The following CEP63 variants were observed in gnomAD, a reference collection of about 807,000 sequenced individuals.
CEP63 encodes centrosomal protein 63, also known as centrosomal protein of 63 kDa.
CEP63 carries 84 observed loss-of-function variants against 89.1 expected under a neutral mutation model. The observed-to-expected ratio is 0.94, with a 90% CI of 0.79 to 1.13. CEP63 has a LOEUF of 1.13. Ranked by LOEUF, CEP63 falls within the 50% of genes most tolerant of loss-of-function variation. The probability of loss-of-function intolerance (pLI) is 0.00; values close to 1 mark genes in which losing one functional copy is unlikely to be tolerated. For missense variants in CEP63, 838 were observed against 813.3 expected (o/e 1.03, Z -0.37); for synonymous variants, 267 against 272.5 (o/e 0.98, Z 0.20).
chr3:134,549,931 C>A, intron 10 of CEP63, 132 bp from the exon 11 acceptor site: 2 of 736,904 alleles, frequency 2.7e-6, no homozygotes, highest in South Asian at 3.4e-5. Context: ...GCTAATTTTT[C>A]TGCAGATTTA....
intron 6 of CEP63, among the ~76,000 whole-genome samples, chr3:134,544,121 T>C (rs1377542811): frequency 2.6e-5 from 4 of 152,222 alleles, no homozygotes; most frequent in Non-Finnish European, 4.4e-5. Context: ...GATTTGGACC[T>C]GTACTGTAAA....
downstream of CEP63, among the ~76,000 whole-genome samples, chr3:134,591,856 G>A (rs535673147): frequency 7.9e-5 from 12 of 151,274 alleles, no homozygotes; most frequent in Middle Eastern, 3.4e-3. Flanking sequence ...ACTTTAGCTT[G>A]GGCAACAGAG....
the CEP63 span, among the ~76,000 whole-genome samples, chr3:134,648,469 G>A: frequency 6.6e-6 from 1 of 152,152 alleles, no homozygotes; most frequent in Non-Finnish European, 1.5e-5. Context: ...AAGCTCATTG[G>A]GTCTTGCCCC....
chr3:134,776,522 T>C, the CEP63 span, among the ~76,000 whole-genome samples: 1 of 152,270 alleles, frequency 6.6e-6, no homozygotes, highest in African/African-American at 2.4e-5. Flanking sequence ...GGCTGCTGCA[T>C]TGTGTGTGTG....
In CEP63 at chr3:134,538,897, T is replaced by A. The variant is rs184943253; in HGVS notation, c.555+1629T>A. ...ATTATTGACTCTATGTAATTAAAACTTCATTATTAGTAAAAATGGGATTTT... is the reference window on the plus strand; with the variant it reads ...ATTATTGACTCTATGTAATTAAAACATCATTATTAGTAAAAATGGGATTTT... On this transcript the variant is annotated intron_variant, in intron 6 of 14. Coordinates refer to ENST00000675561, the MANE Select transcript of CEP63 (RefSeq NM_001353108.3). Among the ~76,000 whole-genome samples, 148 of 152,248 alleles carry A rather than the reference T, an allele frequency of 9.7e-4. No homozygotes were observed. The Middle Eastern group carries it at 0.017, about 17-fold the overall frequency.
rs541932059 is a variant in CEP63, at chr3:134,545,447, C to T, written c.556-139C>T. 7 of 621,340 alleles carry T rather than the reference C, an allele frequency of 1.1e-5. No individual in the cohort carries two copies. In the African/African-American group the frequency reaches 2.3e-4, roughly 20 times the overall value. The allele number at this position is 621,340 out of a possible 1,614,324, so 38.5% of individuals were successfully genotyped here. On this transcript the variant is annotated intron_variant, in intron 6 of 14. Coordinates refer to ENST00000675561, the MANE Select transcript of CEP63 (RefSeq NM_001353108.3). ...TCCCAGCCTCTCAATTCTTTCTTACCCCTTCGCAATATATATATATATATT... is the reference window on the plus strand; with the variant it reads ...TCCCAGCCTCTCAATTCTTTCTTACTCCTTCGCAATATATATATATATATT...
chr3:134,530,723 T>G (rs1054112896), intron 3 of CEP63, among the ~76,000 whole-genome samples: 1 of 152,224 alleles, frequency 6.6e-6, no homozygotes, highest in Non-Finnish European at 1.5e-5. Context: ...TTGGCTGTAT[T>G]TACCCATTCT....
At chr3:134,743,401 G>T in the CEP63 span, among the ~76,000 whole-genome samples, 1 of 152,126 alleles carries the variant, frequency 6.6e-6, no homozygotes, top group Non-Finnish European at 1.5e-5. Flanking sequence ...AGTAGAAAAG[G>T]CAGGCTGGGA....
the CEP63 span, among the ~76,000 whole-genome samples, chr3:134,708,813 G>A: frequency 1.3e-5 from 2 of 152,186 alleles, no homozygotes; most frequent in East Asian, 1.9e-4. Context: ...ATGCGGTGGC[G>A]ACCACCTTGT....
chr3:134,777,608 ATTTTTTTTTTTTTTTTT>A, the CEP63 span, among the ~76,000 whole-genome samples: 2 of 100,186 alleles, frequency 2.0e-5, no homozygotes, highest in Admixed American at 2.3e-4. Context: ...AAAGAATAGA[ATTTTTTTTTTTTTTTTT>A]TTTTTTTTTT....
chr3:134,745,099 CTT>C, the CEP63 span, among the ~76,000 whole-genome samples: 1 of 152,172 alleles, frequency 6.6e-6, no homozygotes, highest in Non-Finnish European at 1.5e-5. Context: ...TGTTTCTCTG[CTT>C]TTTCTCCTCT....
chr3:134,668,881 C>G, the CEP63 span, among the ~76,000 whole-genome samples: 1 of 152,202 alleles, frequency 6.6e-6, no homozygotes, highest in African/African-American at 2.4e-5. Context: ...ACCACCTTCA[C>G]TCCCAACCCC....
chr3:134,507,014 A>C, intron 2 of CEP63, 95 bp from the exon 3 acceptor site: 1 of 804,628 alleles, frequency 1.2e-6, no homozygotes, highest in Non-Finnish European at 2.1e-6. Flanking sequence ...TATTTACTTC[A>C]GGTAGATTTA....
At chr3:134,523,030 C>T (rs547862962) in intron 3 of CEP63, among the ~76,000 whole-genome samples, 70 of 152,178 alleles carry the variant, frequency 4.6e-4, no homozygotes, top group South Asian at 3.5e-3. Context: ...AGTGTATAAG[C>T]GTTCTCTTTT....
intron 12 of CEP63, 26 bp from the exon 13 acceptor site, chr3:134,558,116 G>A: frequency 6.4e-7 from 1 of 1,568,470 alleles, no homozygotes; most frequent in South Asian, 1.1e-5. Context: ...TACAGATTAA[G>A]TGACTCTAGT....
At chr3:134,535,906 G>A (rs1396687087) in intron 5 of CEP63, 3 of 152,150 alleles carry the variant, frequency 2.0e-5, no homozygotes, top group Non-Finnish European at 4.4e-5. Context: ...TTAAAAATCT[G>A]TTATCCTAAT....
the CEP63 span, among the ~76,000 whole-genome samples, chr3:134,743,630 G>A: frequency 6.6e-6 from 1 of 152,094 alleles, no homozygotes; most frequent in Non-Finnish European, 1.5e-5. Flanking sequence ...TCCCATCTGG[G>A]TATCATAGGA....
the CEP63 span, among the ~76,000 whole-genome samples, chr3:134,655,774 C>T: frequency 5.3e-5 from 8 of 152,174 alleles, no homozygotes; most frequent in East Asian, 1.9e-4. Flanking sequence ...CACCTTGACT[C>T]GGGGTTTCAA....
intron 10 of CEP63, among the ~76,000 whole-genome samples, chr3:134,549,626 G>A (rs570756535): frequency 6.6e-6 from 1 of 152,216 alleles, no homozygotes; most frequent in Admixed American, 6.5e-5. Flanking sequence ...GGCCCTAACT[G>A]TCCTATTTGT....
Sources: gnomAD v4.1 joint callset for allele counts (sites outside exome capture counted in the v4.1 genomes callset) on GRCh38, gnomAD v4.1.1 for gene constraint, MANE v1.5 for transcripts, NCBI Gene and HGNC (gene_info 2026-07-23, HGNC 2026-07-21) for gene names.